The following SEMA4D variants were observed in gnomAD, a reference collection of about 807,000 sequenced individuals.
SEMA4D encodes the protein semaphorin-4D.
Under a neutral mutation model 74.8 loss-of-function variants are expected in SEMA4D, and 22 were observed. That is an observed-to-expected ratio of 0.29 (90% confidence interval 0.21 to 0.42). The LOEUF is 0.42. Among genes scored for constraint, SEMA4D ranks in the 10% least tolerant of loss-of-function variants. The pLI is 1.00. For missense variants in SEMA4D, 937 were observed against 1,118.4 expected, an observed-to-expected ratio of 0.84 and a Z score of 2.31; for synonymous variants, 445 against 463.7, an observed-to-expected ratio of 0.96 and a Z score of 0.52.
chr9:89,364,189 G>C lies in SEMA4D; in HGVS notation c.1883-239C>G, dbSNP rs2132234742. ...TTGACCTTAATTGCCATTTTTCAAA[G>C]CACACCTGTGTGGCCTGTGTCCCCT... is the stretch of plus-strand genomic sequence containing the variant. On this transcript the variant is annotated intron_variant, in intron 16 of 18. Coordinates refer to the SEMA4D transcript ENST00000339861. 4.0e-6 allele frequency: 3 copies of C among 748,804 alleles called. No individual in the cohort carries two copies. In the South Asian group the frequency reaches 5.6e-5, roughly 14 times the overall value. The allele number at this position is 748,804 out of a possible 1,614,324, so 46.4% of individuals were successfully genotyped here. A position where few individuals can be genotyped will look rare whatever the true frequency, so the allele number is the denominator to read the frequency against.
At chr9:89,416,805 C>A (rs1587724382) in intron 2 of SEMA4D, among the ~76,000 whole-genome samples, 1 of 152,314 alleles carries the variant, frequency 6.6e-6, no homozygotes, top group Middle Eastern at 3.4e-3. Context: ...CCATGCTACA[C>A]CCAAGTCAGT....
intron 15 of SEMA4D, among the ~76,000 whole-genome samples, chr9:89,380,769 C>T (rs1162812794): frequency 6.6e-6 from 1 of 152,156 alleles, no homozygotes; most frequent in East Asian, 1.9e-4. Context: ...TTATAACAGG[C>T]TTAGGTTTTG....
intron 1 of SEMA4D, among the ~76,000 whole-genome samples, chr9:89,462,749 A>T (rs554197366): frequency 1.3e-5 from 2 of 151,612 alleles, no homozygotes; most frequent in South Asian, 4.2e-4. Flanking sequence ...GTTCAAGACC[A>T]GCCAAGGCAA....
intron 2 of SEMA4D, chr9:89,450,323 T>G (rs1362159871): frequency 1.1e-6 from 1 of 924,088 alleles, no homozygotes; most frequent in Non-Finnish European, 1.8e-6. Flanking sequence ...CCAAACAGTA[T>G]GGACTGAAAA....
chr9:89,397,499 C>T (rs1384945969), intron 5 of SEMA4D, among the ~76,000 whole-genome samples: 1 of 152,168 alleles, frequency 6.6e-6, no homozygotes, highest in East Asian at 1.9e-4. Context: ...ATCAGAAAGG[C>T]CCAAGCAGGA....
chr9:89,449,517 C>T (rs1391526448), intron 2 of SEMA4D: 12 of 753,512 alleles, frequency 1.6e-5, no homozygotes, highest in Non-Finnish European at 2.7e-5. Context: ...GGCAGAGGGG[C>T]GGCTCAGGGG....
intron 2 of SEMA4D, among the ~76,000 whole-genome samples, chr9:89,442,885 C>T (rs1482660800): frequency 6.6e-6 from 1 of 152,218 alleles, no homozygotes; most frequent in East Asian, 1.9e-4. Context: ...GTGCCGGTGT[C>T]GTCTGCAAAC....
chr9:89,385,624 C>G, intron 13 of SEMA4D: 1 of 942,444 alleles, frequency 1.1e-6, no homozygotes, highest in Non-Finnish European at 1.3e-6. Context: ...GTAAAAGGAC[C>G]CAGGCTCCCA....
rs184269465 is a variant in SEMA4D at position 89,492,753 on chromosome 9, T to C, written c.-310+5166A>G. Among the ~76,000 whole-genome samples the C allele has an allele frequency of 1.3e-3, 191 of 152,272 alleles. 1 individual carries two copies. Among genetic ancestry groups the C allele is most frequent in the Non-Finnish European group, 2.0e-3 (137 of 68,028 alleles). On this transcript the variant is annotated intron_variant, in intron 1 of 15. Transcript: ENST00000422704. The surrounding 1 kb of genome is among the most constrained non-coding windows in gnomAD (Gnocchi z 4.3). ...GTTGGCTCCGTCTTCGCAGAACACC[T>C]GCAATCAGCCTGCCTCCCACCCGAG...
intron 1 of SEMA4D, among the ~76,000 whole-genome samples, chr9:89,457,384 T>A (rs182624433): frequency 3.9e-5 from 6 of 152,346 alleles, no homozygotes; most frequent in Non-Finnish European, 1.5e-5. Context: ...CATCAGTGGC[T>A]GACCAGAATC....
At chr9:89,475,034 CCT>C (rs941702613) in intron 1 of SEMA4D, among the ~76,000 whole-genome samples, 4 of 152,224 alleles carry the variant, frequency 2.6e-5, no homozygotes, top group South Asian at 2.1e-4. Context: ...TCACCAGACC[CCT>C]CTTTCTCCCC....
At chr9:89,438,377 G>A (rs1850922364) in intron 2 of SEMA4D, among the ~76,000 whole-genome samples, 1 of 152,230 alleles carries the variant, frequency 6.6e-6, no homozygotes, top group Non-Finnish European at 1.5e-5. Flanking sequence ...ATGGCAGCTC[G>A]TGATGGCTGC....
intron 2 of SEMA4D, among the ~76,000 whole-genome samples, chr9:89,438,716 A>G (rs146551081): frequency 0.016 from 2,412 of 151,966 alleles, 74 homozygotes; most frequent in African/African-American, 0.055. Context: ...CCCAGGCTGG[A>G]ATGCAGTGGC....
chr9:89,384,139 G>A, intron 13 of SEMA4D, among the ~76,000 whole-genome samples: 1 of 152,348 alleles, frequency 6.6e-6, no homozygotes, highest in African/African-American at 2.4e-5. Context: ...AACCGCATCT[G>A]CTGTGTGCGC....
chr9:89,361,476 TG>T (rs1255144659), exon 19 of SEMA4D: 2 of 152,170 alleles, frequency 1.3e-5, no homozygotes, highest in African/African-American at 4.8e-5. Context: ...GAGACGTGTG[TG>T]TAAGATTAAA....
chr9:89,381,798 C>T lies in SEMA4D; in HGVS notation c.1447-452G>A, dbSNP rs966648215. ...AGCACACCACCTCGAAGCCCAACCTCGTCCCCCGAGCCAGAATGTGAGCAC... is the reference window on the plus strand; with the variant it reads ...AGCACACCACCTCGAAGCCCAACCTTGTCCCCCGAGCCAGAATGTGAGCAC... On this transcript the variant is annotated intron_variant, in intron 13 of 15. Transcript: ENST00000422704. The surrounding 1 kb of genome is among the most constrained non-coding windows in gnomAD (Gnocchi z 4.6). 5.8e-5 allele frequency: 9 copies of T among 154,656 alleles called. No homozygotes were observed. The highest frequency in any genetic ancestry group is 2.2e-4 in the African/African-American group (9 of 41,500). 9.6% of individuals were successfully genotyped at this position (154,656 alleles called of 1,614,324 possible).
At chr9:89,394,811 G>C (rs1011639782) in intron 6 of SEMA4D, among the ~76,000 whole-genome samples, 2 of 152,248 alleles carry the variant, frequency 1.3e-5, no homozygotes, top group Non-Finnish European at 2.9e-5. Flanking sequence ...AGGAGGTTTC[G>C]GGGCTGTTGG....
chr9:89,463,430 AT>A (rs1251150564), intron 1 of SEMA4D, among the ~76,000 whole-genome samples: 10 of 152,232 alleles, frequency 6.6e-5, no homozygotes, highest in African/African-American at 2.4e-4. Context: ...ACAGGGGTCC[AT>A]TCCCAGGTGC....
Position 89,471,612 on chromosome 9 carries a change from G to A in SEMA4D, c.-309-15659C>T, listed in dbSNP as rs370334928. Among the ~76,000 whole-genome samples the A allele has an allele frequency of 9.9e-4, 113 of 114,084 alleles. No individual in the cohort carries two copies. The East Asian group carries it at 0.023, about 24-fold the overall frequency. The allele number at this position is 114,084 out of a possible 152,430, so 74.8% of individuals were successfully genotyped here. A position where few individuals can be genotyped will look rare whatever the true frequency, so the allele number is the denominator to read the frequency against. On this transcript the variant is annotated intron_variant, in intron 1 of 15. Coordinates refer to ENST00000422704, the MANE Select transcript of SEMA4D (RefSeq NM_001371194.2). The stretch of plus-strand genomic sequence containing the variant: ...CAGATGCATGCCAGCTCAGGTGCAC[G>A]CCAGCTCAGGTGCATACAGGCTGAG...
Sources: gnomAD v4.1 joint callset for allele counts (sites outside exome capture counted in the v4.1 genomes callset) on GRCh38, gnomAD v4.1.1 for gene constraint, Gnocchi (gnomAD v3.1) non-coding constraint, MANE v1.5 for transcripts, NCBI Gene and HGNC (gene_info 2026-07-23, HGNC 2026-07-21) for gene names.